Variants in ADGRG7 observed in about 807,000 individuals in gnomAD.
The protein encoded by ADGRG7 is adhesion G protein-coupled receptor G7, also known as G-protein coupled receptor 128.
In ADGRG7, 82 loss-of-function variants were observed where a neutral mutation model predicts 88.6. The ratio of observed to expected loss-of-function variants is 0.93; its 90% CI spans 0.77 to 1.11. The LOEUF (loss-of-function observed/expected upper bound fraction) is 1.11. Among genes scored for constraint, ADGRG7 ranks in the 50% most tolerant of loss-of-function variants. The pLI is 0.00. For missense variants in ADGRG7, 945 were observed against 953.4 expected (o/e 0.99, Z 0.12); for synonymous variants, 381 against 345.2 (o/e 1.10, Z -1.15).
chr3:100,612,483 T>C (rs1250613080), intron 1 of ADGRG7, among the ~76,000 whole-genome samples: 2 of 152,212 alleles, frequency 1.3e-5, no homozygotes, highest in Non-Finnish European at 2.9e-5. Context: ...GCCCCTTCAC[T>C]CTTGATGATG....
intron 15 of ADGRG7, among the ~76,000 whole-genome samples, chr3:100,690,414 G>A (rs1245316141): frequency 1.3e-5 from 2 of 151,922 alleles, no homozygotes; most frequent in South Asian, 2.1e-4. Flanking sequence ...CCATTGAGGA[G>A]CTGCATTCCT....
At chr3:100,635,202 C>T (rs1707517989) in intron 4 of ADGRG7, among the ~76,000 whole-genome samples, 1 of 146,172 alleles carries the variant, frequency 6.8e-6, no homozygotes. Context: ...AAATTTTGAA[C>T]CCATTGCACA....
At chr3:100,679,715 A>G (rs1296895140) in intron 15 of ADGRG7, among the ~76,000 whole-genome samples, 2 of 152,186 alleles carry the variant, frequency 1.3e-5, no homozygotes. Flanking sequence ...TTCTTTGAGT[A>G]GGAGAGATTT....
intron 1 of ADGRG7, among the ~76,000 whole-genome samples, chr3:100,623,028 G>T (rs1185702268): frequency 6.6e-6 from 1 of 151,758 alleles, no homozygotes; most frequent in African/African-American, 2.4e-5. Context: ...CTCCCAAAAT[G>T]CTGGGATTAC....
intron 10 of ADGRG7, among the ~76,000 whole-genome samples, chr3:100,647,364 G>A (rs145166935): frequency 2.6e-5 from 4 of 152,256 alleles, no homozygotes; most frequent in African/African-American, 9.6e-5. Flanking sequence ...CAGAGGTAAA[G>A]CTGTATAGCT....
intron 4 of ADGRG7, among the ~76,000 whole-genome samples, chr3:100,634,838 A>T (rs1707509326): frequency 6.6e-6 from 1 of 152,218 alleles, no homozygotes; most frequent in Non-Finnish European, 1.5e-5. Flanking sequence ...ACCTGTAAAC[A>T]TCTAACAGAG....
chr3:100,670,563 C>CT (rs1036706074), intron 15 of ADGRG7, among the ~76,000 whole-genome samples: 6 of 151,906 alleles, frequency 3.9e-5, no homozygotes, highest in East Asian at 1.9e-4. Flanking sequence ...CTATTTTTAG[C>CT]TTTTTTTTAT....
In ADGRG7 at chr3:100,609,926, A is replaced by G. The variant is rs765717703; in HGVS notation, c.70A>G (p.Ile24Val). The change falls in exon 1 of 16, where the codon ATT (isoleucine) becomes GTT (valine). Residue 24 changes from isoleucine (I) to valine (V), a missense_variant. Physicochemically the swap from Ile to Val is conservative, Grantham distance 29 (BLOSUM62 3). Coordinates refer to ENST00000273352, the MANE Select transcript of ADGRG7 (RefSeq NM_032787.3). ...CGTGTGTGGACTACTGACTGGCATC[A>G]TTTTGGGACTGGGCATCTGGAGGAT... is the stretch of plus-strand genomic sequence containing the variant. ...AVVCGLLTGI[I>V]LGLGIWRIVI... 1.2e-6 allele frequency: 2 copies of G among 1,613,928 alleles called. No individual in the cohort carries two copies. Among genetic ancestry groups the G allele is most frequent in the South Asian group, 1.1e-5 (1 of 91,068 alleles).
intron 10 of ADGRG7, among the ~76,000 whole-genome samples, chr3:100,648,213 A>AT (rs1487557799): frequency 6.6e-6 from 1 of 152,060 alleles, no homozygotes; most frequent in Non-Finnish European, 1.5e-5. Context: ...GCTTTCAGCT[A>AT]TTTTTTCTCA....
At chr3:100,688,342 G>A (rs1382998090) in intron 15 of ADGRG7, among the ~76,000 whole-genome samples, 5 of 152,050 alleles carry the variant, frequency 3.3e-5, no homozygotes, top group Non-Finnish European at 7.4e-5. Context: ...TGGATTCATT[G>A]ATTTTTTGAA....
intron 3 of ADGRG7, among the ~76,000 whole-genome samples, chr3:100,632,098 T>C (rs142677259): frequency 1.3e-5 from 2 of 152,244 alleles, no homozygotes; most frequent in African/African-American, 4.8e-5. Flanking sequence ...AAATATTTCA[T>C]AATGGTTTAT....
chr3:100,665,537 T>C (rs2094950695), intron 14 of ADGRG7: 1 of 427,556 alleles, frequency 2.3e-6, no homozygotes, highest in South Asian at 1.8e-5. Flanking sequence ...AGTGGGACTA[T>C]ATCTTACATA....
intron 14 of ADGRG7, among the ~76,000 whole-genome samples, chr3:100,666,862 C>T (rs1429096871): frequency 4.0e-5 from 6 of 151,630 alleles, no homozygotes; most frequent in Non-Finnish European, 7.4e-5. Context: ...TTAAGGAGCA[C>T]GCTGCCTTCA....
chr3:100,685,927 C>A (rs1340775466), intron 15 of ADGRG7, among the ~76,000 whole-genome samples: 2 of 151,782 alleles, frequency 1.3e-5, no homozygotes, highest in Non-Finnish European at 2.9e-5. Flanking sequence ...ATTTCTAGTT[C>A]TAGATCCCTG....
intron 15 of ADGRG7, among the ~76,000 whole-genome samples, chr3:100,673,503 G>C (rs536142715): frequency 6.8e-6 from 1 of 146,372 alleles, no homozygotes; most frequent in African/African-American, 2.5e-5. Context: ...GGTCTGTCAT[G>C]CAGGCTGGAG....
chr3:100,651,152 A>G (rs1037297251), intron 11 of ADGRG7, among the ~76,000 whole-genome samples: 1 of 152,182 alleles, frequency 6.6e-6, no homozygotes, highest in African/African-American at 2.4e-5. Flanking sequence ...GTGAGTGCTT[A>G]TGTTGTAAGG....
chr3:100,657,834 A>G (rs765998034), intron 13 of ADGRG7, among the ~76,000 whole-genome samples: 1 of 152,230 alleles, frequency 6.6e-6, no homozygotes, highest in Non-Finnish European at 1.5e-5. Context: ...AGAATGGAAC[A>G]TCATCTCAGT....
intron 15 of ADGRG7, among the ~76,000 whole-genome samples, chr3:100,676,547 A>C (rs750170139): frequency 5.3e-5 from 8 of 152,068 alleles, no homozygotes; most frequent in Non-Finnish European, 8.8e-5. Context: ...AATGATCCAC[A>C]TGCTGAGGAG....
In ADGRG7 at chr3:100,646,090, C is replaced by T; in HGVS notation, c.1092C>T (p.Asp364=). ...AGCAAGATCAGAGTGCTTCTGTTGA[C>T]ATGGTCTTTAGTCCAAAGGTGAGTT... The part of the protein sequence containing the change: ...ENEQDQSASV[D]MVFSPKYNQK... The change falls in exon 9 of 16, where the codon GAC becomes GAT. Residue 364 remains aspartate, a synonymous_variant. Transcript: ENST00000273352. The T allele has an allele frequency of 6.2e-7, 1 of 1,613,622 alleles. No individual in the cohort carries two copies. The highest frequency in any genetic ancestry group is 8.5e-7 in the Non-Finnish European group (1 of 1,179,888).
Sources: allele counts gnomAD v4.1 joint callset (sites outside exome capture counted in the v4.1 genomes callset), GRCh38; gene constraint gnomAD v4.1.1; transcripts MANE v1.5; gene names NCBI Gene and HGNC (gene_info 2026-07-23, HGNC 2026-07-21).